PLCL1: variants seen among roughly 807,000 people sequenced by gnomAD.
The protein encoded by PLCL1 is inactive phospholipase C-like protein 1.
In PLCL1, 41 loss-of-function variants were observed where a neutral mutation model predicts 84.4. The observed-to-expected ratio is 0.49, with a 90% confidence interval of 0.38 to 0.63. The LOEUF (loss-of-function observed/expected upper bound fraction) is 0.63. Ranked by LOEUF, PLCL1 falls within the 30% of genes least tolerant of loss-of-function variation. The pLI is 0.00. For missense variants in PLCL1, 1,206 were observed against 1,367.8 expected, an observed-to-expected ratio of 0.88 and a Z score of 1.87; for synonymous variants, 490 against 488.3, an observed-to-expected ratio of 1.00 and a Z score of -0.05.
chr2:198,117,608 T>G (rs1693774758), intron 5 of PLCL1, among the ~76,000 whole-genome samples: 1 of 151,898 alleles, frequency 6.6e-6, no homozygotes. Flanking sequence ...CAGATGGCTC[T>G]CCACACTTAC....
intron 1 of PLCL1, among the ~76,000 whole-genome samples, chr2:198,028,379 C>G (rs1275733708): frequency 3.9e-5 from 6 of 152,038 alleles, no homozygotes; most frequent in Non-Finnish European, 8.8e-5. Flanking sequence ...CACTGGCCTT[C>G]CCCCTTGCTA....
Position 197,923,240 on chromosome 2 carries a change from TG to T in PLCL1, c.240+117903del, listed in dbSNP as rs1171681713. Among the ~76,000 whole-genome samples the T allele has an allele frequency of 2.7e-5, 4 of 146,802 alleles. No individual in the cohort carries two copies. The East Asian group carries it at 6.3e-4, about 23-fold the overall frequency. ...CCACCTCCCTCCCGGATGGGGCGGC[TG>T]GCCGGGCGGGGGGCTGACCCCCCCC... On this transcript the variant is annotated intron_variant, in intron 1 of 5. Transcript: ENST00000428675.
At position 198,084,128 on chromosome 2, in the gene PLCL1, T is replaced by C; in HGVS notation, c.611T>C (p.Val204Ala). The change falls in exon 2 of 6, where the codon GTT becomes GCT. Residue 204 changes from valine to alanine, a missense_variant. Transcript: ENST00000428675. ...GAAAACTATGAGTCTCTGGACCTAG[T>C]TGCCAATTCAGCAGATGTGGCAAAC... Reference protein sequence around the residue: ...HGENYESLDLVANSADVANIW... With the variant: ...HGENYESLDLAANSADVANIW... The C allele has an allele frequency of 1.9e-6, 3 of 1,614,166 alleles. No homozygotes were observed. Among genetic ancestry groups the C allele is most frequent in the South Asian group, 1.1e-5 (1 of 91,076 alleles).
intron 1 of PLCL1, among the ~76,000 whole-genome samples, chr2:197,971,524 AAGGAGCGGC>A (rs1249812766): frequency 6.6e-6 from 1 of 152,212 alleles, no homozygotes; most frequent in Admixed American, 6.5e-5. Flanking sequence ...TCCATTGGCT[AAGGAGCGGC>A]AGGGGAGGTG....
chr2:197,880,036 G>C (rs1687802385), intron 1 of PLCL1, among the ~76,000 whole-genome samples: 1 of 152,170 alleles, frequency 6.6e-6, no homozygotes, highest in Admixed American at 6.6e-5. Flanking sequence ...GAATTAGAAT[G>C]CATAAAAGCT....
rs552635453 is a variant in PLCL1 at position 197,950,061 on chromosome 2, C to A, written c.241-133697C>A. 2.6e-5 allele frequency among the ~76,000 whole-genome samples: 4 copies of A among 152,224 alleles called. No individual in the cohort carries two copies. In the East Asian group the frequency reaches 7.7e-4, roughly 29 times the overall value. On this transcript the variant is annotated intron_variant, in intron 1 of 5. Coordinates refer to ENST00000428675, the MANE Select transcript of PLCL1 (RefSeq NM_006226.4). ...AGAGCTTTGGCAGAAGACTCCAAAT[C>A]CAGGTCACATTTGCATTATAACATT...
At chr2:198,104,881 AT>A in intron 5 of PLCL1, among the ~76,000 whole-genome samples, 1 of 151,484 alleles carries the variant, frequency 6.6e-6, no homozygotes, top group Non-Finnish European at 1.5e-5. Flanking sequence ...TGGGGTGTTT[AT>A]TTTTTTGCTT....
chr2:198,071,216 A>G (rs898992735), intron 1 of PLCL1, among the ~76,000 whole-genome samples: 46 of 151,820 alleles, frequency 3.0e-4, no homozygotes, highest in African/African-American at 1.1e-3. Context: ...ATGTACCATA[A>G]TTTATTTTGC....
intron 1 of PLCL1, among the ~76,000 whole-genome samples, chr2:198,062,477 A>G (rs1235515321): frequency 1.3e-5 from 2 of 152,212 alleles, no homozygotes; most frequent in Non-Finnish European, 2.9e-5. Context: ...ATATTTCTTA[A>G]CACATTTAAA....
chr2:197,924,258 A>G (rs1378520817), intron 1 of PLCL1, among the ~76,000 whole-genome samples: 1 of 151,994 alleles, frequency 6.6e-6, no homozygotes, highest in Non-Finnish European at 1.5e-5. Flanking sequence ...GATCTTTGAA[A>G]ATCAAGACCT....
chr2:197,838,969 A>G (rs1475131893), intron 1 of PLCL1, among the ~76,000 whole-genome samples: 2 of 152,340 alleles, frequency 1.3e-5, no homozygotes, highest in East Asian at 3.9e-4. Flanking sequence ...GTTTTGGTGC[A>G]TATGCATTTA....
At chr2:197,904,180 A>G (rs1481223603) in intron 1 of PLCL1, among the ~76,000 whole-genome samples, 1 of 152,210 alleles carries the variant, frequency 6.6e-6, no homozygotes, top group Non-Finnish European at 1.5e-5. Flanking sequence ...GCAAAGAAGA[A>G]TAAAACAAAC....
chr2:197,829,998 C>T (rs1261472356), intron 1 of PLCL1, among the ~76,000 whole-genome samples: 3 of 152,040 alleles, frequency 2.0e-5, no homozygotes, highest in Non-Finnish European at 2.9e-5. Flanking sequence ...AAACTGGAAC[C>T]TCTTAAATAT....
At chr2:197,893,651 A>G (rs1464409981) in intron 1 of PLCL1, among the ~76,000 whole-genome samples, 1 of 152,168 alleles carries the variant, frequency 6.6e-6, no homozygotes, top group Non-Finnish European at 1.5e-5. Flanking sequence ...CCTGGTCTGG[A>G]GTCCGGTGTG....
chr2:198,106,166 C>T (rs144695574), intron 5 of PLCL1, among the ~76,000 whole-genome samples: 11 of 151,880 alleles, frequency 7.2e-5, no homozygotes, highest in African/African-American at 2.4e-4. Context: ...TTCCTGAGGG[C>T]GCTCAGCTAG....
chr2:198,146,885 A>C lies in PLCL1; in HGVS notation c.3211A>C (p.Ser1071Arg). ...TGGACTGAGTAAAGCCCCCAGCAGC[A>C]GTGCTGAGGCCAAGAGCAAGCGCAG... ...SCGLSKAPSSSAEAKSKRSLE... is the reference protein window; with the variant it reads ...SCGLSKAPSSRAEAKSKRSLE... The change falls in exon 6 of 6, where the codon AGT becomes CGT. Residue 1071 changes from serine to arginine, a missense_variant. Transcript: ENST00000428675. 1 of 1,613,520 alleles carries C rather than the reference A, an allele frequency of 6.2e-7. No homozygotes were observed.
chr2:198,070,035 A>G (rs1010762753), intron 1 of PLCL1, among the ~76,000 whole-genome samples: 1 of 152,184 alleles, frequency 6.6e-6, no homozygotes, highest in African/African-American at 2.4e-5. Flanking sequence ...TTGTAGTTAC[A>G]TATCTAGACA....
intron 1 of PLCL1, among the ~76,000 whole-genome samples, chr2:197,936,449 T>A (rs1006748476): frequency 6.6e-6 from 1 of 152,134 alleles, no homozygotes; most frequent in African/African-American, 2.4e-5. Flanking sequence ...ACTATTCTAA[T>A]GGGCATGAGG....
chr2:197,983,195 CTTTTCTTTTTTTTTTTTTTTT>C (rs1690150234), intron 1 of PLCL1, among the ~76,000 whole-genome samples: 1 of 51,708 alleles, frequency 1.9e-5, no homozygotes, highest in African/African-American at 6.6e-5. Context: ...TTTTTCTTTT[CTTTTCTTTTTTTTTTTTTTTT>C]TTTTTTTTTT....
Sources: allele counts gnomAD v4.1 joint callset (sites outside exome capture counted in the v4.1 genomes callset), GRCh38; gene constraint gnomAD v4.1.1; transcripts MANE v1.5; gene names NCBI Gene and HGNC (gene_info 2026-07-23, HGNC 2026-07-21).